SRGAP3: variants seen among roughly 807,000 people sequenced by gnomAD.
SRGAP3 encodes the protein SLIT-ROBO Rho GTPase-activating protein 3.
In SRGAP3, 39 loss-of-function variants were observed where a neutral mutation model predicts 121.1. That is an observed-to-expected ratio of 0.32 (90% CI 0.25 to 0.42). The LOEUF is 0.42. Among genes scored for constraint, SRGAP3 ranks in the 10% least tolerant of loss-of-function variants. The pLI is 1.00. For synonymous variants in SRGAP3, 601 were observed against 570.0 expected, an observed-to-expected ratio of 1.05 and a Z score of -0.77; for missense variants, 1,213 against 1,470.6, an observed-to-expected ratio of 0.82 and a Z score of 2.86.
intron 1 of SRGAP3, among the ~76,000 whole-genome samples, chr3:9,332,842 C>G (rs939066297): frequency 6.6e-6 from 1 of 152,124 alleles, no homozygotes. Flanking sequence ...TCGTGAGCAA[C>G]GGAACTTGCT....
At chr3:9,041,183 T>C (rs1297263146) in intron 10 of SRGAP3, among the ~76,000 whole-genome samples, 6 of 152,184 alleles carry the variant, frequency 3.9e-5, no homozygotes, top group African/African-American at 1.4e-4. Flanking sequence ...AGATATGGAG[T>C]GACTTTCCCA....
intron 1 of SRGAP3, among the ~76,000 whole-genome samples, chr3:9,133,377 G>C (rs568692583): frequency 6.6e-6 from 1 of 152,148 alleles, no homozygotes; most frequent in East Asian, 1.9e-4. Flanking sequence ...CCAGCTAACT[G>C]TTAGGCTGAA....
At chr3:9,206,281 T>C (rs1952263795) in intron 1 of SRGAP3, among the ~76,000 whole-genome samples, 3 of 152,230 alleles carry the variant, frequency 2.0e-5, no homozygotes, top group Admixed American at 2.0e-4. Flanking sequence ...ACAGGTACTG[T>C]ATTATCCCTG....
Position 9,343,527 on chromosome 3 carries a change from T to C in SRGAP3, n.215-12931A>G, listed in dbSNP as rs929132223. ...CTTTTTTATAGAAGTCATATATGTT[T>C]ATTGTAGACATTTCAGAAAAATCCT... On this transcript the variant is annotated intron_variant and non_coding_transcript_variant, in intron 1 of 3. Coordinates refer to the SRGAP3 transcript ENST00000490889. Among the ~76,000 whole-genome samples, 3 of 152,358 alleles carry C rather than the reference T, an allele frequency of 2.0e-5. No individual in the cohort carries two copies. The East Asian group carries it at 5.8e-4, about 29-fold the overall frequency.
At chr3:9,236,851 G>T (rs1431892504) in intron 1 of SRGAP3, among the ~76,000 whole-genome samples, 33 of 152,138 alleles carry the variant, frequency 2.2e-4, no homozygotes. Flanking sequence ...AAAAATTGGT[G>T]AAATATAGTT....
chr3:9,015,121 A>G (rs924567489), intron 15 of SRGAP3, among the ~76,000 whole-genome samples: 1 of 152,082 alleles, frequency 6.6e-6, no homozygotes, highest in Non-Finnish European at 1.5e-5. Flanking sequence ...TGACCTCTAG[A>G]CCTTCCACGT....
chr3:9,090,701 A>G (rs990679300), intron 3 of SRGAP3, among the ~76,000 whole-genome samples: 7 of 152,144 alleles, frequency 4.6e-5, no homozygotes, highest in African/African-American at 1.7e-4. Context: ...CAGTGGTGCA[A>G]TCTCAGCTCA....
chr3:9,179,124 T>C (rs1354295680), intron 1 of SRGAP3, among the ~76,000 whole-genome samples: 1 of 152,198 alleles, frequency 6.6e-6, no homozygotes, highest in Non-Finnish European at 1.5e-5. Flanking sequence ...CCATCTCTTC[T>C]TGATGCACAC....
At chr3:9,219,087 G>A (rs1952720831) in intron 1 of SRGAP3, 1 of 151,948 alleles carries the variant, frequency 6.6e-6, no homozygotes, top group African/African-American at 2.4e-5. Flanking sequence ...CTCCCACCTA[G>A]GCCTCCCAAA....
At chr3:9,104,067 AAG>A (rs1948319332) in intron 3 of SRGAP3, among the ~76,000 whole-genome samples, 1 of 152,222 alleles carries the variant, frequency 6.6e-6, no homozygotes, top group Non-Finnish European at 1.5e-5. Flanking sequence ...GCTCAACAAT[AAG>A]AGATTAAATA....
chr3:8,994,239 G>A, intron 19 of SRGAP3, 104 bp downstream of exon 19: 2 of 1,438,190 alleles, frequency 1.4e-6, no homozygotes, highest in South Asian at 1.1e-5. Context: ...TGATATCAAG[G>A]AGAGCAAATT....
At position 8,992,957 on chromosome 3, in the gene SRGAP3, T is replaced by C. The variant is rs1267774710; in HGVS notation, c.2507A>G (p.Gln836Arg). The change falls in exon 20 of 22, where the codon CAG (glutamine) becomes CGG (arginine). Residue 836 changes from glutamine (Q) to arginine (R), a missense_variant. This residue lies in a region of SRGAP3 where 420 missense variants were observed against 437.7 expected (regional missense o/e 0.96). Coordinates refer to ENST00000383836, the MANE Select transcript of SRGAP3 (RefSeq NM_014850.4). Reference protein sequence around the residue: ...DDKASSKNDLQSPTEHISDYG... With the variant: ...DDKASSKNDLRSPTEHISDYG... ...ATCCGAGATGTGCTCCGTGGGGGAC[T>C]GGAGGTCGTTTTTGGAAGAGGCCTT... is the stretch of plus-strand genomic sequence containing the variant. The C allele has an allele frequency of 5.6e-6, 9 of 1,614,164 alleles. No homozygotes were observed. The highest frequency in any genetic ancestry group is 7.6e-6 in the Non-Finnish European group (9 of 1,180,024).
chr3:9,133,814 G>C (rs112097255), intron 1 of SRGAP3, among the ~76,000 whole-genome samples: 150 of 152,308 alleles, frequency 9.8e-4, no homozygotes, highest in South Asian at 5.8e-3. Context: ...GGACAAAGCA[G>C]GAACTATTTA....
intron 18 of SRGAP3, among the ~76,000 whole-genome samples, chr3:9,003,959 A>G (rs1942920341): frequency 6.6e-6 from 1 of 152,176 alleles, no homozygotes; most frequent in Admixed American, 6.5e-5. Flanking sequence ...AAATATATCT[A>G]TTCATAGACA....
At chr3:9,300,622 A>C (rs1444460279) in intron 3 of SRGAP3, among the ~76,000 whole-genome samples, 1 of 152,216 alleles carries the variant, frequency 6.6e-6, no homozygotes, top group Non-Finnish European at 1.5e-5. Context: ...GATGTGTTCC[A>C]GGAAGGGAAG....
chr3:9,216,209 C>T (rs1403022373), intron 1 of SRGAP3, among the ~76,000 whole-genome samples: 1 of 152,248 alleles, frequency 6.6e-6, no homozygotes, highest in Non-Finnish European at 1.5e-5. Context: ...GCTTCATCTT[C>T]TTACTTCCAC....
rs764471888 is a variant in SRGAP3 at position 9,013,294 on chromosome 3, G to A, written c.2147+14C>T. The A allele has an allele frequency of 1.6e-5, 26 of 1,607,828 alleles. No individual in the cohort carries two copies. In the South Asian group the frequency reaches 2.8e-4, roughly 17 times the overall value. ...ATGACGATGATAATAATATTAAGAG[G>A]AATGGCATCTTACCAATATTCTTCC... is the stretch of plus-strand genomic sequence containing the variant. On this transcript the variant is annotated intron_variant, in intron 17 of 21. Coordinates refer to ENST00000383836, the MANE Select transcript of SRGAP3 (RefSeq NM_014850.4).
intron 1 of SRGAP3, among the ~76,000 whole-genome samples, chr3:9,242,372 C>A (rs1183658638): frequency 6.6e-6 from 1 of 152,212 alleles, no homozygotes; most frequent in Non-Finnish European, 1.5e-5. Flanking sequence ...CAGCGGCTCA[C>A]GCCTGAAATC....
chr3:9,325,902 A>G (rs1446729312), intron 3 of SRGAP3: 1 of 151,946 alleles, frequency 6.6e-6, no homozygotes, highest in Non-Finnish European at 1.5e-5. Flanking sequence ...ATATTCAAGG[A>G]TAAGAATCTC....
Sources: gnomAD v4.1 joint callset for allele counts (sites outside exome capture counted in the v4.1 genomes callset) on GRCh38, gnomAD v4.1.1 for gene constraint, gnomAD v4.1.1 regional missense constraint, MANE v1.5 for transcripts, NCBI Gene and HGNC (gene_info 2026-07-23, HGNC 2026-07-21) for gene names.